Variants in RYR2 observed in about 807,000 individuals in gnomAD.
RYR2 encodes the protein cardiac muscle ryanodine receptor-calcium release channel.
RYR2 carries 227 observed loss-of-function variants against 601.1 expected under a neutral mutation model. The ratio of observed to expected loss-of-function variants is 0.38; its 90% CI spans 0.34 to 0.42. The LOEUF (loss-of-function observed/expected upper bound fraction) is 0.42, where lower values mean the gene tolerates loss of function less well. Among genes scored for constraint, RYR2 ranks in the 10% least tolerant of loss-of-function variants. RYR2 has a pLI of 1.00. For synonymous variants in RYR2, 2,223 were observed against 2,175.1 expected, an observed-to-expected ratio of 1.02 and a Z score of -0.61; for missense variants, 4,646 against 6,156.5, an observed-to-expected ratio of 0.75 and a Z score of 8.21.
intron 17 of RYR2, among the ~76,000 whole-genome samples, chr1:237,476,143 G>T (rs1328201001): frequency 1.3e-5 from 2 of 152,284 alleles, no homozygotes; most frequent in East Asian, 3.9e-4. Context: ...TCTCTCTTTG[G>T]CATTCCTGCC....
chr1:237,523,748 A>AAAAC (rs780501256), intron 24 of RYR2, among the ~76,000 whole-genome samples: 2,090 of 147,586 alleles, frequency 0.014, 20 homozygotes, highest in Non-Finnish European at 0.022. Flanking sequence ...AAAAAAAAAA[A>AAAAC]GGCAAAAATT....
At chr1:237,599,936 A>G (rs1357167554) in intron 34 of RYR2, among the ~76,000 whole-genome samples, 1 of 152,186 alleles carries the variant, frequency 6.6e-6, no homozygotes, top group African/African-American at 2.4e-5. Flanking sequence ...AAATGGAAAG[A>G]TATCTCATGC....
At chr1:237,463,006 A>C (rs1179854345) in intron 16 of RYR2, among the ~76,000 whole-genome samples, 1 of 152,160 alleles carries the variant, frequency 6.6e-6, no homozygotes, top group African/African-American at 2.4e-5. Flanking sequence ...ACAGCTCTCC[A>C]AGCTCTCCAA....
At chr1:237,485,008 G>A (rs566008371) in intron 17 of RYR2, among the ~76,000 whole-genome samples, 1 of 152,294 alleles carries the variant, frequency 6.6e-6, no homozygotes, top group East Asian at 1.9e-4. Flanking sequence ...TGCAGTGCCT[G>A]CAGCCTCAAT....
intron 16 of RYR2, among the ~76,000 whole-genome samples, chr1:237,463,826 C>G (rs1009327482): frequency 6.6e-6 from 1 of 152,098 alleles, no homozygotes; most frequent in Non-Finnish European, 1.5e-5. Context: ...CAGTGGTGCT[C>G]TGAGACATCT....
intron 87 of RYR2, among the ~76,000 whole-genome samples, chr1:237,778,462 T>C (rs562820223): frequency 3.9e-5 from 6 of 152,014 alleles, no homozygotes; most frequent in Admixed American, 3.9e-4. Context: ...ATATATTAAA[T>C]GTTTTAAAGA....
intron 1 of RYR2, among the ~76,000 whole-genome samples, chr1:237,057,209 G>A (rs1057276520): frequency 1.8e-4 from 27 of 151,536 alleles, no homozygotes; most frequent in African/African-American, 6.3e-4. Flanking sequence ...TTTTTTGGAC[G>A]GAATCTTGCT....
rs142763202 is a variant in RYR2 at position 237,383,466 on chromosome 1, G to A, written c.577-3815G>A. On this transcript the variant is annotated intron_variant, in intron 8 of 104. Coordinates refer to ENST00000366574, the MANE Select transcript of RYR2 (RefSeq NM_001035.3). ...TTTTTTTGAGACAGAGTCTTGCTCT[G>A]TCGCCTAGGCTGGAGTACAGGGGCA... is the stretch of plus-strand genomic sequence containing the variant. Among the ~76,000 whole-genome samples, 37 of 102,714 alleles carry A rather than the reference G, an allele frequency of 3.6e-4. No homozygotes were observed. In the East Asian group the frequency reaches 0.01, roughly 28 times the overall value. The allele number at this position is 102,714 out of a possible 152,430, so 67.4% of individuals were successfully genotyped here. A position where few individuals can be genotyped will look rare whatever the true frequency, so the allele number is the denominator to read the frequency against.
intron 87 of RYR2, among the ~76,000 whole-genome samples, chr1:237,777,155 G>T (rs1473997896): frequency 2.0e-5 from 3 of 152,150 alleles, no homozygotes; most frequent in African/African-American, 7.2e-5. Context: ...TAACGAAATG[G>T]AGAGGCTCAG....
At chr1:237,179,637 C>A (rs1473698556) in intron 1 of RYR2, among the ~76,000 whole-genome samples, 1 of 152,114 alleles carries the variant, frequency 6.6e-6, no homozygotes, top group Non-Finnish European at 1.5e-5. Flanking sequence ...GTGATCTGGG[C>A]TACATACCGT....
chr1:237,832,531 A>G (rs1663922810), intron 104 of RYR2, 21 bp from the exon 105 acceptor site: 1 of 1,524,810 alleles, frequency 6.6e-7, no homozygotes, highest in East Asian at 2.2e-5. Context: ...AAATGTTAAT[A>G]CATTTCCTTG....
intron 15 of RYR2, 103 bp from the exon 16 acceptor site, chr1:237,456,497 C>T: frequency 8.0e-7 from 1 of 1,247,508 alleles, no homozygotes; most frequent in Non-Finnish European, 1.1e-6. Context: ...GATGAACCTT[C>T]AGTCAGACTT....
chr1:237,520,976 G>C (rs1667026928), intron 24 of RYR2, among the ~76,000 whole-genome samples: 1 of 152,100 alleles, frequency 6.6e-6, no homozygotes, highest in Admixed American at 6.6e-5. Context: ...GACAGAGTTT[G>C]CCATAAGCCG....
intron 101 of RYR2, among the ~76,000 whole-genome samples, chr1:237,823,584 T>C (rs563073678): frequency 6.6e-6 from 1 of 152,144 alleles, no homozygotes; most frequent in Admixed American, 6.5e-5. Context: ...GCAGGAAAGA[T>C]CTAAAATTGA....
At position 237,244,831 on chromosome 1, in the gene RYR2, T is replaced by G. The variant is rs556079855; in HGVS notation, c.49-25666T>G. 3.3e-5 allele frequency among the ~76,000 whole-genome samples: 5 copies of G among 152,266 alleles called. No homozygotes were observed. The East Asian group carries it at 9.7e-4, about 29-fold the overall frequency. ...AGACAACGTACCGCTTGAATTTTAC[T>G]AGTCCAGTGGAGGCTCCCATTGTCA... On this transcript the variant is annotated intron_variant, in intron 1 of 104. Transcript: ENST00000366574.
chr1:237,192,881 A>C (rs1323700840), intron 1 of RYR2, among the ~76,000 whole-genome samples: 3 of 152,136 alleles, frequency 2.0e-5, no homozygotes, highest in Non-Finnish European at 4.4e-5. Context: ...ATATATAGTT[A>C]AATTATTTGA....
intron 2 of RYR2, among the ~76,000 whole-genome samples, chr1:237,318,936 C>T (rs779445506): frequency 1.3e-5 from 2 of 152,046 alleles, no homozygotes; most frequent in Non-Finnish European, 2.9e-5. Context: ...TTCTGAGACT[C>T]CCATTACACG....
At chr1:237,299,164 G>T (rs1693109633) in intron 2 of RYR2, among the ~76,000 whole-genome samples, 2 of 139,236 alleles carry the variant, frequency 1.4e-5, no homozygotes, top group African/African-American at 2.6e-5. Context: ...TTCTACATAG[G>T]TTTTGGCCTA....
rs765617616 is a variant in RYR2 at position 237,569,181 on chromosome 1, C to T, written c.3460C>T (p.Arg1154Cys). 6.2e-6 allele frequency: 10 copies of T among 1,613,694 alleles called. No individual in the cohort carries two copies. The highest frequency in any genetic ancestry group is 2.7e-5 in the African/African-American group (2 of 74,878). ...RWHQGNEHYGRSWQAGDVVGC... is the reference protein window; with the variant it reads ...RWHQGNEHYGCSWQAGDVVGC... ...GCATCAGGGCAATGAACACTATGGG[C>T]GCTCTTGGCAAGCAGGCGATGTCGT... Residue 1154 changes from arginine to cysteine, a missense_variant, in exon 29 of 105, where the codon CGC (arginine) becomes TGC (cysteine). Arg to Cys is a radical substitution (Grantham distance 180). This residue lies in a region of RYR2 where 1,807 missense variants were observed against 2,088.1 expected (regional missense o/e 0.87). Transcript: ENST00000366574.
Sources: gnomAD v4.1 joint callset for allele counts (sites outside exome capture counted in the v4.1 genomes callset) on GRCh38, gnomAD v4.1.1 for gene constraint, gnomAD v4.1.1 regional missense constraint, MANE v1.5 for transcripts, NCBI Gene and HGNC (gene_info 2026-07-23, HGNC 2026-07-21) for gene names.